RBFOX1: variants seen among roughly 807,000 people sequenced by gnomAD.
RBFOX1 encodes RNA binding protein fox-1 homolog 1.
A neutral mutation model predicts 57.7 loss-of-function variants in RBFOX1; 8 were observed. The observed-to-expected ratio is 0.14, with a 90% confidence interval of 0.08 to 0.25. The LOEUF (loss-of-function observed/expected upper bound fraction) is 0.25. Among genes scored for constraint, RBFOX1 ranks in the 10% least tolerant of loss-of-function variants. The pLI is 1.00. For synonymous variants in RBFOX1, 326 were observed against 222.4 expected (o/e 1.47, Z -4.15); for missense variants, 611 against 548.5 (o/e 1.11, Z -1.14).
chr16:6,480,238 A>G (rs73524635), intron 2 of RBFOX1, among the ~76,000 whole-genome samples: 14,662 of 152,112 alleles, frequency 0.096, 2,130 homozygotes, highest in African/African-American at 0.32. Context: ...CACATATAAC[A>G]TATAGAGTAT....
chr16:5,550,187 T>G (rs1025757519), intron 2 of RBFOX1, among the ~76,000 whole-genome samples: 1 of 152,178 alleles, frequency 6.6e-6, no homozygotes, highest in African/African-American at 2.4e-5. Flanking sequence ...AGGGGCTGTG[T>G]GGAGAAGCTT....
intron 2 of RBFOX1, among the ~76,000 whole-genome samples, chr16:6,637,216 TATA>T (rs1374531471): frequency 1.4e-5 from 1 of 70,390 alleles, no homozygotes; most frequent in Non-Finnish European, 2.4e-5. Flanking sequence ...ATATATATTA[TATA>T]ATATACAATA....
At chr16:5,288,398 G>T (rs143122566) in intron 1 of RBFOX1, among the ~76,000 whole-genome samples, 1,912 of 152,206 alleles carry the variant, frequency 0.013, 31 homozygotes, top group African/African-American at 0.043. Context: ...AATAACATTA[G>T]CCAACATTCT....
chr16:6,522,347 A>G (rs1255923133), intron 2 of RBFOX1, among the ~76,000 whole-genome samples: 1 of 152,138 alleles, frequency 6.6e-6, no homozygotes, highest in Non-Finnish European at 1.5e-5. Flanking sequence ...TAAAATATTG[A>G]TGGCTTACCA....
chr16:5,523,297 G>A (rs903639368), intron 2 of RBFOX1, among the ~76,000 whole-genome samples: 7 of 151,910 alleles, frequency 4.6e-5, no homozygotes, highest in Non-Finnish European at 8.8e-5. Context: ...AAAAAAACAG[G>A]AGAGGGGACA....
chr16:7,155,441 T>A (rs913987478), intron 4 of RBFOX1, among the ~76,000 whole-genome samples: 16 of 151,468 alleles, frequency 1.1e-4, no homozygotes, highest in Non-Finnish European at 1.8e-4. Context: ...ATGATAATAA[T>A]AGAAAATAGC....
chr16:5,675,383 T>A (rs1051070577), intron 3 of RBFOX1, among the ~76,000 whole-genome samples: 4 of 152,142 alleles, frequency 2.6e-5, no homozygotes, highest in Admixed American at 2.0e-4. Flanking sequence ...GCTAAGCACA[T>A]TGGTGCTTGA....
chr16:7,060,289 A>G (rs1229218637), intron 4 of RBFOX1, among the ~76,000 whole-genome samples: 7 of 152,182 alleles, frequency 4.6e-5, no homozygotes, highest in Admixed American at 4.6e-4. Context: ...AGTGGGCCAT[A>G]GTTAGCCAAC....
At chr16:6,138,432 T>C (rs1328075278) in intron 1 of RBFOX1, among the ~76,000 whole-genome samples, 1 of 152,226 alleles carries the variant, frequency 6.6e-6, no homozygotes, top group Non-Finnish European at 1.5e-5. Flanking sequence ...TTAACTGGTA[T>C]AGATCTACTT....
rs182300200 is a variant in RBFOX1, at chr16:5,589,389, C to T, written c.259-9513C>T. On this transcript the variant is annotated intron_variant, in intron 2 of 2. Coordinates refer to the RBFOX1 transcript ENST00000585867. ...TGGCCAACCTGGGGCAAGTCACTTGCCCTCTCTGAATCCAATTTACTCACC... is the reference window on the plus strand; with the variant it reads ...TGGCCAACCTGGGGCAAGTCACTTGTCCTCTCTGAATCCAATTTACTCACC... Among the ~76,000 whole-genome samples the T allele has an allele frequency of 1.3e-4, 20 of 152,288 alleles. No individual in the cohort carries two copies. In the East Asian group the frequency reaches 3.7e-3, roughly 28 times the overall value.
chr16:7,512,987 G>A (rs867002923), intron 4 of RBFOX1, among the ~76,000 whole-genome samples: 13 of 152,206 alleles, frequency 8.5e-5, no homozygotes, highest in African/African-American at 2.7e-4. Context: ...GAAGTGGACA[G>A]GCGCGGTGGC....
At chr16:5,292,677 TC>T (rs1328469006) in intron 1 of RBFOX1, among the ~76,000 whole-genome samples, 1 of 152,016 alleles carries the variant, frequency 6.6e-6, no homozygotes, top group Non-Finnish European at 1.5e-5. Flanking sequence ...AGGCTGGAGT[TC>T]AGTGGCACGA....
chr16:6,574,138 G>C (rs993239358), intron 2 of RBFOX1, among the ~76,000 whole-genome samples: 2 of 152,148 alleles, frequency 1.3e-5, no homozygotes, highest in African/African-American at 2.4e-5. Flanking sequence ...GGAGATGTGG[G>C]TTTCCATTCT....
intron 1 of RBFOX1, among the ~76,000 whole-genome samples, chr16:5,379,564 C>G (rs1200151140): frequency 6.6e-6 from 1 of 152,214 alleles, no homozygotes; most frequent in East Asian, 1.9e-4. Flanking sequence ...TGTCAGGGGA[C>G]TAGAGCCCTT....
chr16:5,445,604 T>TTCC, intron 1 of RBFOX1, among the ~76,000 whole-genome samples: 1 of 152,218 alleles, frequency 6.6e-6, no homozygotes, highest in East Asian at 1.9e-4. Flanking sequence ...AGGTGGAGGA[T>TTCC]AATCCCCATG....
intron 3 of RBFOX1, among the ~76,000 whole-genome samples, chr16:6,686,567 G>C (rs2059465993): frequency 6.6e-6 from 1 of 152,170 alleles, no homozygotes; most frequent in Non-Finnish European, 1.5e-5. Context: ...AGTTGCTAAA[G>C]GGGTGAACAC....
chr16:6,949,939 T>C (rs910836800), intron 3 of RBFOX1, among the ~76,000 whole-genome samples: 2 of 143,962 alleles, frequency 1.4e-5, no homozygotes, highest in African/African-American at 2.5e-5. Flanking sequence ...GAGTACGTTT[T>C]TTTGTTGTTG....
chr16:7,459,510 G>C (rs1311218875), intron 4 of RBFOX1, among the ~76,000 whole-genome samples: 1 of 152,176 alleles, frequency 6.6e-6, no homozygotes, highest in Non-Finnish European at 1.5e-5. Context: ...ATTTCCTGTT[G>C]CCAGATTAAA....
At chr16:6,185,918 C>T (rs1456328075) in intron 1 of RBFOX1, among the ~76,000 whole-genome samples, 3 of 152,102 alleles carry the variant, frequency 2.0e-5, no homozygotes, top group African/African-American at 7.2e-5. Flanking sequence ...GGGTGTGTTA[C>T]CCTCCTTAGA....
Sources: gnomAD v4.1 joint callset for allele counts (sites outside exome capture counted in the v4.1 genomes callset) on GRCh38, gnomAD v4.1.1 for gene constraint, MANE v1.5 for transcripts, NCBI Gene and HGNC (gene_info 2026-07-23, HGNC 2026-07-21) for gene names.